The following RASSF9 variants were observed in gnomAD, a reference collection of about 807,000 sequenced individuals.
RASSF9 encodes ras association domain-containing protein 9.
In RASSF9, 18 loss-of-function variants were observed where a neutral mutation model predicts 21.4. The ratio of observed to expected loss-of-function variants is 0.84; its 90% CI spans 0.58 to 1.25. The LOEUF (loss-of-function observed/expected upper bound fraction) is 1.25, where lower values mean the gene tolerates loss of function less well. RASSF9 is among the 50% of genes most tolerant of loss of function. The pLI is 0.00. For synonymous variants in RASSF9, 183 were observed against 179.1 expected, an observed-to-expected ratio of 1.02 and a Z score of -0.18; for missense variants, 480 against 503.2, an observed-to-expected ratio of 0.95 and a Z score of 0.44.
chr12:85,819,529 T>TGTTCAAACCTATTTA (rs1464375586), intron 1 of RASSF9, among the ~76,000 whole-genome samples: 5 of 152,220 alleles, frequency 3.3e-5, no homozygotes, highest in Non-Finnish European at 7.3e-5. Context: ...GTGCTTTACA[T>TGTTCAAACCTATTTA]GTTCAAACCT....
chr12:85,825,600 T>C (rs1004081543), intron 1 of RASSF9, among the ~76,000 whole-genome samples: 3 of 152,110 alleles, frequency 2.0e-5, no homozygotes, highest in African/African-American at 2.4e-5. Flanking sequence ...TGGGAAAATA[T>C]AAAATATTTA....
intron 1 of RASSF9, among the ~76,000 whole-genome samples, chr12:85,833,947 G>T (rs1880507217): frequency 6.6e-6 from 1 of 151,886 alleles, no homozygotes; most frequent in African/African-American, 2.4e-5. Flanking sequence ...TTAGAATGTG[G>T]TTATTCAAAT....
At chr12:85,830,194 G>A (rs983304248) in intron 1 of RASSF9, among the ~76,000 whole-genome samples, 1 of 152,092 alleles carries the variant, frequency 6.6e-6, no homozygotes, top group African/African-American at 2.4e-5. Flanking sequence ...TGTTCTAGGG[G>A]GATGAGGGGA....
Position 85,824,319 on chromosome 12 carries a change from C to G in RASSF9, c.47+11836G>C, listed in dbSNP as rs556593246. Among the ~76,000 whole-genome samples, 109 of 152,270 alleles carry G rather than the reference C, an allele frequency of 7.2e-4. 2 individuals carry two copies. In the Middle Eastern group the frequency reaches 0.031, roughly 43 times the overall value. On this transcript the variant is annotated intron_variant, in intron 1 of 1. Coordinates refer to ENST00000361228, the MANE Select transcript of RASSF9 (RefSeq NM_005447.4). Reference sequence around the variant, plus strand: ...AAAACTGAGTTTTCCTAAACACTTTCCTTTGCCTCTCTCCTCTTACTTTAA... The same window carrying G: ...AAAACTGAGTTTTCCTAAACACTTTGCTTTGCCTCTCTCCTCTTACTTTAA...
intron 1 of RASSF9, among the ~76,000 whole-genome samples, chr12:85,823,294 C>T (rs1033543332): frequency 6.6e-6 from 1 of 152,210 alleles, no homozygotes; most frequent in Middle Eastern, 3.4e-3. Flanking sequence ...CTGCCACACC[C>T]AATAGCCACT....
chr12:85,806,431 C>T (rs932559085), intron 1 of RASSF9, among the ~76,000 whole-genome samples: 59 of 149,860 alleles, frequency 3.9e-4, no homozygotes, highest in African/African-American at 1.3e-3. Flanking sequence ...CCAGCACTTT[C>T]GCAGGCCGAG....
intron 1 of RASSF9, among the ~76,000 whole-genome samples, chr12:85,818,874 G>GCGTGAAC (rs1880139951): frequency 6.6e-6 from 1 of 150,926 alleles, no homozygotes. Context: ...CAGGAGAATG[G>GCGTGAAC]CGTGAACCCG....
chr12:85,811,113 A>AAATT (rs1419489988), intron 1 of RASSF9, among the ~76,000 whole-genome samples: 1 of 151,910 alleles, frequency 6.6e-6, no homozygotes, highest in East Asian at 1.9e-4. Flanking sequence ...TTTCCTCATA[A>AAATT]AATTAATGTT....
At chr12:85,817,491 C>A (rs1042470870) in intron 1 of RASSF9, among the ~76,000 whole-genome samples, 1 of 151,808 alleles carries the variant, frequency 6.6e-6, no homozygotes, top group African/African-American at 2.4e-5. Flanking sequence ...CAAACCCAAG[C>A]AGAAATTTAG....
chr12:85,815,859 C>T (rs926113830), intron 1 of RASSF9, among the ~76,000 whole-genome samples: 6 of 151,766 alleles, frequency 4.0e-5, no homozygotes, highest in Non-Finnish European at 5.9e-5. Flanking sequence ...CATGTACATA[C>T]GCATATTTCA....
Position 85,805,613 on chromosome 12 carries a change from A to G in RASSF9, c.397T>C (p.Leu133=), listed in dbSNP as rs540074167. The G allele has an allele frequency of 1.2e-5, 20 of 1,613,954 alleles. No homozygotes were observed. The highest frequency in any genetic ancestry group is 1.1e-4 in the East Asian group (5 of 44,884). The change falls in exon 2 of 2, where the codon TTA becomes CTA. Residue 133 remains leucine, a synonymous_variant. Coordinates refer to ENST00000361228, the MANE Select transcript of RASSF9 (RefSeq NM_005447.4). ...VPLWRTAEAK[L]VQNTEKLWEL... is the part of the protein sequence containing the mutation. ...CACAATTTTTCTGTGTTTTGCACTA[A>G]TTTGGCTTCAGCTGTCCGCCACAAA...
intron 1 of RASSF9, among the ~76,000 whole-genome samples, chr12:85,820,474 C>T (rs933877243): frequency 6.6e-6 from 1 of 152,110 alleles, no homozygotes; most frequent in African/African-American, 2.4e-5. Context: ...TCAGTATGTA[C>T]AATTTTCTAA....
In RASSF9 at chr12:85,805,580, T is replaced by C. The variant is rs369261769; in HGVS notation, c.430A>G (p.Ser144Gly). ...AAAGTCTTCATGTAGTTTGCTGGGC[T>C]GAGCTCCCACAATTTTTCTGTGTTT... The part of the protein sequence containing the change: ...VQNTEKLWEL[S>G]PANYMKTLPP... Residue 144 changes from serine to glycine, a missense_variant, in exon 2 of 2, where the codon AGC becomes GGC. Transcript: ENST00000361228. 1.4e-5 allele frequency: 23 copies of C among 1,613,842 alleles called. No homozygotes were observed. The highest frequency in any genetic ancestry group is 1.8e-5 in the Non-Finnish European group (21 of 1,179,904).
intron 1 of RASSF9, among the ~76,000 whole-genome samples, chr12:85,827,833 A>G (rs1193540997): frequency 6.6e-6 from 1 of 152,196 alleles, no homozygotes; most frequent in African/African-American, 2.4e-5. Flanking sequence ...GTTTTTCCTG[A>G]TAACAGTAAT....
At chr12:85,809,022 C>T (rs537539192) in intron 1 of RASSF9, among the ~76,000 whole-genome samples, 17 of 152,202 alleles carry the variant, frequency 1.1e-4, no homozygotes, top group South Asian at 4.2e-4. Flanking sequence ...CTGTTCGAAT[C>T]TCTTGCATGT....
chr12:85,834,578 A>C (rs1880520590), intron 1 of RASSF9, among the ~76,000 whole-genome samples: 1 of 152,136 alleles, frequency 6.6e-6, no homozygotes, highest in Admixed American at 6.5e-5. Context: ...CAATGACAGA[A>C]ATCTCAAATT....
chr12:85,826,675 C>T (rs1880341685), intron 1 of RASSF9, among the ~76,000 whole-genome samples: 1 of 151,620 alleles, frequency 6.6e-6, no homozygotes, highest in Admixed American at 6.6e-5. Flanking sequence ...GATCTCCTGA[C>T]CTCGTGATCT....
intron 1 of RASSF9, among the ~76,000 whole-genome samples, chr12:85,820,186 G>A (rs1366277907): frequency 2.0e-5 from 3 of 152,120 alleles, no homozygotes; most frequent in African/African-American, 7.2e-5. Flanking sequence ...AAAAACATAT[G>A]ACTCAAATTT....
intron 1 of RASSF9, among the ~76,000 whole-genome samples, chr12:85,815,393 A>G (rs61930061): frequency 0.062 from 9,443 of 152,182 alleles, 426 homozygotes; most frequent in Middle Eastern, 0.18. Flanking sequence ...AAACAAAAAT[A>G]TGGTTATTTG....
Sources: allele counts gnomAD v4.1 joint callset (sites outside exome capture counted in the v4.1 genomes callset), GRCh38; gene constraint gnomAD v4.1.1; transcripts MANE v1.5; gene names NCBI Gene and HGNC (gene_info 2026-07-23, HGNC 2026-07-21).